The following COL24A1 variants were observed in gnomAD, a reference collection of about 807,000 sequenced individuals.
The protein encoded by COL24A1 is collagen alpha-1(XXIV) chain.
Under a neutral mutation model 253.9 loss-of-function variants are expected in COL24A1, and 224 were observed. The observed-to-expected ratio is 0.88, with a 90% CI of 0.79 to 0.99. The LOEUF is 0.99. COL24A1 is among the 50% of genes least tolerant of loss of function. The pLI, the probability that COL24A1 is intolerant of heterozygous loss-of-function variation, is 0.00. For missense variants in COL24A1, 2,131 were observed against 2,068.5 expected (o/e 1.03, Z -0.59); for synonymous variants, 685 against 673.7 (o/e 1.02, Z -0.26).
chr1:86,100,135 A>G (rs541350361), intron 5 of COL24A1, among the ~76,000 whole-genome samples: 1 of 152,198 alleles, frequency 6.6e-6, no homozygotes, highest in East Asian at 1.9e-4. Flanking sequence ...AATACAACCA[A>G]AATCTTTACC....
At chr1:85,953,638 G>A (rs1690148791) in intron 24 of COL24A1, among the ~76,000 whole-genome samples, 1 of 152,026 alleles carries the variant, frequency 6.6e-6, no homozygotes, top group South Asian at 2.1e-4. Context: ...TCTTTTGTTT[G>A]GCTATAAAAA....
At chr1:86,121,377 A>G (rs1647321879) in intron 3 of COL24A1, among the ~76,000 whole-genome samples, 1 of 152,164 alleles carries the variant, frequency 6.6e-6, no homozygotes, top group Non-Finnish European at 1.5e-5. Flanking sequence ...ATTAGCACAT[A>G]ATAAAGAGAA....
At chr1:85,757,410 C>A (rs968769117) in intron 55 of COL24A1, among the ~76,000 whole-genome samples, 5 of 151,926 alleles carry the variant, frequency 3.3e-5, no homozygotes, top group African/African-American at 1.2e-4. Context: ...GAATAAATCA[C>A]AGGATATTCT....
At position 86,115,320 on chromosome 1, in the gene COL24A1, C is replaced by G. The variant is rs1706035404; in HGVS notation, c.1545+5G>C. 3 of 1,613,578 alleles carry G rather than the reference C, an allele frequency of 1.9e-6. No individual in the cohort carries two copies. Among genetic ancestry groups the G allele is most frequent in the Non-Finnish European group, 2.5e-6 (3 of 1,179,720 alleles). On this transcript the variant is annotated splice_donor_5th_base_variant and intron_variant, in intron 4 of 59. Transcript: ENST00000370571. ...GCCAGCAGGAAATATAGCCCATCTA[C>G]TTACCCGTGGACCTCTCTTCCCTGA...
chr1:85,989,685 ACT>A (rs1257461208), intron 19 of COL24A1, among the ~76,000 whole-genome samples: 13 of 151,760 alleles, frequency 8.6e-5, no homozygotes, highest in African/African-American at 3.1e-4. Flanking sequence ...TCTCTTCTTT[ACT>A]CTCTACCACC....
intron 12 of COL24A1, among the ~76,000 whole-genome samples, chr1:86,036,614 T>G (rs1396569296): frequency 1.3e-5 from 2 of 152,190 alleles, no homozygotes; most frequent in African/African-American, 2.4e-5. Flanking sequence ...TGCATTAATA[T>G]TTTAATACAG....
chr1:85,858,305 A>G (rs888131216), intron 37 of COL24A1, among the ~76,000 whole-genome samples: 13 of 152,334 alleles, frequency 8.5e-5, no homozygotes, highest in Non-Finnish European at 1.3e-4. Context: ...ATCATGGTCT[A>G]TAATTCCCTA....
rs1178008356 is a variant in COL24A1 at position 86,125,624 on chromosome 1, C to A, written c.712G>T (p.Val238Leu). Residue 238 changes from valine to leucine, a missense_variant, in exon 3 of 60, where the codon GTG becomes TTG. Coordinates refer to ENST00000370571, the MANE Select transcript of COL24A1 (RefSeq NM_152890.7). Reference sequence around the variant, plus strand: ...TCTGCTTGGCGACACTGCTGTTTCACATATCTGCAGTAGTCTGCAGATGCT... The same window carrying A: ...TCTGCTTGGCGACACTGCTGTTTCAAATATCTGCAGTAGTCTGCAGATGCT... ...AEASADYCRYVKQQCRQADKY... is the reference protein window; with the variant it reads ...AEASADYCRYLKQQCRQADKY... 1 of 1,613,206 alleles carries A rather than the reference C, an allele frequency of 6.2e-7. No homozygotes were observed. The highest frequency in any genetic ancestry group is 8.5e-7 in the Non-Finnish European group (1 of 1,179,532).
Position 85,970,273 on chromosome 1 carries a change from T to C in COL24A1, c.2419-2A>G, listed in dbSNP as rs867604863. ...GGCTCCAATTGGTCCTTCTTCTCCC[T>C]TAAAAAAAAAAAAAGTCAGAACATA... On this transcript the variant is annotated splice_acceptor_variant, in intron 21 of 59. Coordinates refer to ENST00000370571, the MANE Select transcript of COL24A1 (RefSeq NM_152890.7). LOFTEE classifies it high-confidence loss of function. The C allele has an allele frequency of 3.8e-6, 6 of 1,580,496 alleles. No homozygotes were observed. Among genetic ancestry groups the C allele is most frequent in the Non-Finnish European group, 5.1e-6 (6 of 1,166,746 alleles).
At chr1:85,941,938 T>C (rs1291805088) in intron 24 of COL24A1, among the ~76,000 whole-genome samples, 2 of 152,176 alleles carry the variant, frequency 1.3e-5, no homozygotes, top group African/African-American at 2.4e-5. Flanking sequence ...TCAGTAAAGA[T>C]ATATAGAGTG....
At chr1:85,819,557 A>C (rs1270940383) in intron 45 of COL24A1, among the ~76,000 whole-genome samples, 1 of 152,182 alleles carries the variant, frequency 6.6e-6, no homozygotes, top group African/African-American at 2.4e-5. Context: ...TTTCAAAATC[A>C]TGTTTTTTAA....
intron 32 of COL24A1, among the ~76,000 whole-genome samples, chr1:85,886,309 A>G (rs1682486445): frequency 6.6e-6 from 1 of 151,624 alleles, no homozygotes; most frequent in African/African-American, 2.4e-5. Flanking sequence ...TCGGCCTCCC[A>G]AAGTGCTGGG....
intron 2 of COL24A1, among the ~76,000 whole-genome samples, chr1:86,143,388 T>C (rs1651428949): frequency 6.6e-6 from 1 of 152,092 alleles, no homozygotes; most frequent in Admixed American, 6.6e-5. Flanking sequence ...TGAGATTTAG[T>C]GATAGTGACA....
intron 42 of COL24A1, 115 bp from the exon 43 acceptor site, chr1:85,838,753 AT>A: frequency 1.1e-6 from 1 of 914,558 alleles, no homozygotes; most frequent in Non-Finnish European, 1.7e-6. Flanking sequence ...AACCAAATAT[AT>A]GATTTGTTTA....
At chr1:85,840,100 A>G (rs1482663600) in intron 42 of COL24A1, among the ~76,000 whole-genome samples, 1 of 152,142 alleles carries the variant, frequency 6.6e-6, no homozygotes, top group Admixed American at 6.5e-5. Flanking sequence ...TTTAAGTTTC[A>G]TGCCTGTCCC....
intron 2 of COL24A1, among the ~76,000 whole-genome samples, chr1:86,138,444 G>A (rs914894479): frequency 6.6e-6 from 1 of 152,104 alleles, no homozygotes; most frequent in Admixed American, 6.6e-5. Flanking sequence ...ATTCCCACAT[G>A]TTGTGGGAGG....
intron 22 of COL24A1, among the ~76,000 whole-genome samples, chr1:85,966,561 C>T (rs1691590856): frequency 6.6e-6 from 1 of 151,998 alleles, no homozygotes; most frequent in African/African-American, 2.4e-5. Context: ...TACTCCAAAA[C>T]TTAGAATTTG....
chr1:86,120,716 T>C (rs561833385), intron 3 of COL24A1, among the ~76,000 whole-genome samples: 2 of 152,174 alleles, frequency 1.3e-5, no homozygotes, highest in Non-Finnish European at 2.9e-5. Flanking sequence ...AGTTCAACCA[T>C]TGTGGAAGAC....
intron 10 of COL24A1, among the ~76,000 whole-genome samples, chr1:86,056,897 AT>A (rs1700708009): frequency 6.6e-6 from 1 of 152,030 alleles, no homozygotes; most frequent in South Asian, 2.1e-4. Flanking sequence ...ACAACAAAAA[AT>A]ATTGCATTTT....
Sources: gnomAD v4.1 joint callset for allele counts (sites outside exome capture counted in the v4.1 genomes callset) on GRCh38, gnomAD v4.1.1 for gene constraint, MANE v1.5 for transcripts, NCBI Gene and HGNC (gene_info 2026-07-23, HGNC 2026-07-21) for gene names.